DOCK8: variants seen among roughly 807,000 people sequenced by gnomAD.
DOCK8 encodes dedicator of cytokinesis 8, also known as dedicator of cytokinesis protein 8.
DOCK8 carries 141 observed loss-of-function variants against 245.6 expected under a neutral mutation model. The ratio of observed to expected loss-of-function variants is 0.57; its 90% CI spans 0.50 to 0.66. DOCK8 has a LOEUF of 0.66. DOCK8 is among the 30% of genes least tolerant of loss of function. The pLI, the probability that DOCK8 is intolerant of heterozygous loss-of-function variation, is 0.00. For synonymous variants in DOCK8, 1,168 were observed against 970.2 expected (o/e 1.20, Z -3.79); for missense variants, 2,965 against 2,603.4 (o/e 1.14, Z -3.02).
chr9:449,000 G>C (rs566267070), intron 44 of DOCK8, among the ~76,000 whole-genome samples: 1 of 152,332 alleles, frequency 6.6e-6, no homozygotes, highest in African/African-American at 2.4e-5. Flanking sequence ...CCTGTGTTAT[G>C]ATGGGGGAGA....
At chr9:216,641 G>C (rs552481422) in intron 1 of DOCK8, among the ~76,000 whole-genome samples, 2 of 152,078 alleles carry the variant, frequency 1.3e-5, no homozygotes, top group African/African-American at 4.8e-5. Context: ...CATGCCAGGA[G>C]GGGTAATTCA....
Position 433,864 on chromosome 9 carries a change from A to T in DOCK8, c.4786-11A>T, listed in dbSNP as rs759364796. The T allele has an allele frequency of 3.7e-6, 6 of 1,605,724 alleles. No individual in the cohort carries two copies. Among genetic ancestry groups the T allele is most frequent in the Non-Finnish European group, 5.1e-6 (6 of 1,172,480 alleles). ...AAGCTAAGATTATTTTGAGGCTTACACTTTTTGCAGGTGGAGGAACTTCTC... is the reference window on the plus strand; with the variant it reads ...AAGCTAAGATTATTTTGAGGCTTACTCTTTTTGCAGGTGGAGGAACTTCTC... On this transcript the variant is annotated splice_polypyrimidine_tract_variant and intron_variant, in intron 37 of 47. Coordinates refer to ENST00000432829, the MANE Select transcript of DOCK8 (RefSeq NM_203447.4).
chr9:310,578 C>T (rs143206205), intron 5 of DOCK8, among the ~76,000 whole-genome samples: 241 of 152,276 alleles, frequency 1.6e-3, no homozygotes, highest in African/African-American at 5.6e-3. Flanking sequence ...CCTGCCTCAG[C>T]CTCCCAAGTA....
At chr9:241,988 G>A (rs1379522954) in intron 1 of DOCK8, among the ~76,000 whole-genome samples, 3 of 152,172 alleles carry the variant, frequency 2.0e-5, no homozygotes, top group Non-Finnish European at 4.4e-5. Context: ...TCTCCACAAA[G>A]AAGAGCAGCT....
chr9:393,085 C>CAAAAAAAAAA (rs1159933739), intron 24 of DOCK8, among the ~76,000 whole-genome samples: 24 of 44,740 alleles, frequency 5.4e-4, no homozygotes, highest in Non-Finnish European at 5.8e-4. Flanking sequence ...GACCCTGTCT[C>CAAAAAAAAAA]AAAAAAAAAA....
intron 31 of DOCK8, 94 bp from the exon 32 acceptor site, chr9:420,855 G>T: frequency 6.5e-7 from 1 of 1,539,956 alleles, no homozygotes; most frequent in Non-Finnish European, 9.0e-7. Flanking sequence ...GTCAAACTTA[G>T]CTGGCATCAC....
At chr9:336,455 C>T (rs2051316017) in intron 11 of DOCK8, 127 bp from the exon 12 acceptor site, 2 of 1,315,164 alleles carry the variant, frequency 1.5e-6, no homozygotes, top group Non-Finnish European at 2.2e-6. Context: ...CATTTTCATT[C>T]AAAACAAGGA....
At chr9:412,573 G>A (rs1203021089) in intron 28 of DOCK8, among the ~76,000 whole-genome samples, 2 of 151,974 alleles carry the variant, frequency 1.3e-5, no homozygotes, top group African/African-American at 4.8e-5. Context: ...GTGTTGCATG[G>A]TATAAGATCA....
At chr9:396,981 T>C in intron 25 of DOCK8, 47 bp downstream of exon 25, 1 of 1,559,872 alleles carries the variant, frequency 6.4e-7, no homozygotes, top group Non-Finnish European at 8.8e-7. Context: ...ACCTGGAACA[T>C]ATATTACTTT....
At chr9:457,481 G>T (rs1302373827) in intron 46 of DOCK8, among the ~76,000 whole-genome samples, 4 of 152,186 alleles carry the variant, frequency 2.6e-5, no homozygotes, top group African/African-American at 9.7e-5. Flanking sequence ...ATTTGAGTGG[G>T]AAATAGAGAA....
At position 415,511 on chromosome 9, in the gene DOCK8, G is replaced by A. The variant is rs967784268; in HGVS notation, c.3700+560G>A. ...GATTAGCAACAAGATGAAAGGATAA[G>A]TTGTCTTAAAGGGGTTTTGTGAAAC... On this transcript the variant is annotated intron_variant, in intron 29 of 47. Coordinates refer to ENST00000432829, the MANE Select transcript of DOCK8 (RefSeq NM_203447.4). Among the ~76,000 whole-genome samples, 19 of 152,232 alleles carry A rather than the reference G, an allele frequency of 1.2e-4. No homozygotes were observed. In the South Asian group the frequency reaches 1.9e-3, roughly 15 times the overall value.
chr9:247,303 A>G (rs1259046722), intron 1 of DOCK8, among the ~76,000 whole-genome samples: 2 of 152,144 alleles, frequency 1.3e-5, no homozygotes, highest in African/African-American at 2.4e-5. Context: ...ATGAATATCT[A>G]TTTTACTGCT....
intron 46 of DOCK8, among the ~76,000 whole-genome samples, chr9:462,970 G>C (rs191350206): frequency 6.6e-6 from 1 of 152,230 alleles, no homozygotes; most frequent in Non-Finnish European, 1.5e-5. Context: ...GACTTTTTAG[G>C]GTTGTTGGGA....
At chr9:220,130 T>G (rs368593501) in intron 1 of DOCK8, among the ~76,000 whole-genome samples, 1 of 152,228 alleles carries the variant, frequency 6.6e-6, no homozygotes, top group Non-Finnish European at 1.5e-5. Context: ...TTTATTTGTC[T>G]GATGTGTTCT....
Position 414,827 on chromosome 9 carries a change from G to A in DOCK8, c.3576G>A (p.Leu1192=). ...QRKAVSAIHS[L]LSSHDLDPRC... ...AAGCTGTCAGTGCAATTCACAGCCT[G>A]CTAAGTTCTCACGACCTGGACCCAC... Residue 1192 remains leucine, a synonymous_variant, in exon 29 of 48, where the codon CTG becomes CTA. Coordinates refer to ENST00000432829, the MANE Select transcript of DOCK8 (RefSeq NM_203447.4). 1 of 1,614,198 alleles carries A rather than the reference G, an allele frequency of 6.2e-7. No individual in the cohort carries two copies. Among genetic ancestry groups the A allele is most frequent in the East Asian group, 2.2e-5 (1 of 44,886 alleles).
intron 26 of DOCK8, among the ~76,000 whole-genome samples, chr9:400,100 C>G (rs912703549): frequency 8.7e-6 from 1 of 114,562 alleles, no homozygotes; most frequent in Non-Finnish European, 1.7e-5. Flanking sequence ...ACCATCACCA[C>G]CACCACCTCC....
At chr9:289,455 T>C in intron 3 of DOCK8, 55 bp from the exon 4 acceptor site, 1 of 1,374,306 alleles carries the variant, frequency 7.3e-7, no homozygotes, top group East Asian at 2.3e-5. Flanking sequence ...GATTAGGGGT[T>C]GTTTTGTTGT....
chr9:404,461 C>T (rs1357052346), intron 26 of DOCK8, among the ~76,000 whole-genome samples: 1 of 152,090 alleles, frequency 6.6e-6, no homozygotes, highest in South Asian at 2.1e-4. Flanking sequence ...TCCAATGGGG[C>T]CTTTAATTAG....
chr9:448,585 C>T (rs1025644694), intron 44 of DOCK8, among the ~76,000 whole-genome samples: 3 of 152,222 alleles, frequency 2.0e-5, no homozygotes, highest in African/African-American at 7.2e-5. Flanking sequence ...TTGGTGCCTT[C>T]TGAGGGCTGT....
Sources: allele counts gnomAD v4.1 joint callset (sites outside exome capture counted in the v4.1 genomes callset), GRCh38; gene constraint gnomAD v4.1.1; transcripts MANE v1.5; gene names NCBI Gene and HGNC (gene_info 2026-07-23, HGNC 2026-07-21).